The following RGS6 variants were observed in gnomAD, a reference collection of about 807,000 sequenced individuals.
RGS6 encodes regulator of G protein signaling 6.
RGS6 carries 30 observed loss-of-function variants against 78.5 expected under a neutral mutation model. The observed-to-expected ratio is 0.38, with a 90% confidence interval of 0.29 to 0.52. The LOEUF (loss-of-function observed/expected upper bound fraction) is 0.52. Ranked by LOEUF, RGS6 falls within the 20% of genes least tolerant of loss-of-function variation. The pLI is 0.85. For synonymous variants in RGS6, 206 were observed against 206.0 expected (o/e 1.00, Z 0.00); for missense variants, 495 against 609.7 (o/e 0.81, Z 1.98).
At chr14:71,975,825 C>G (rs1456102682) in intron 2 of RGS6, among the ~76,000 whole-genome samples, 1 of 152,170 alleles carries the variant, frequency 6.6e-6, no homozygotes, top group East Asian at 1.9e-4. Flanking sequence ...TTTCTCTCTT[C>G]TTGGGATTGT....
chr14:72,472,763 G>A, intron 8 of RGS6, 109 bp from the exon 9 acceptor site: 1 of 741,036 alleles, frequency 1.3e-6, no homozygotes, highest in Non-Finnish European at 2.3e-6. Flanking sequence ...GGTACCAATG[G>A]CCTTGTGTTC....
chr14:72,604,534 T>C, the RGS6 span, among the ~76,000 whole-genome samples: 3 of 152,290 alleles, frequency 2.0e-5, no homozygotes, highest in South Asian at 6.2e-4. Context: ...AGTTCTAAAG[T>C]TGCTGTCAAG....
intron 2 of RGS6, among the ~76,000 whole-genome samples, chr14:72,312,233 T>G (rs2068810875): frequency 6.6e-6 from 1 of 151,842 alleles, no homozygotes; most frequent in Non-Finnish European, 1.5e-5. Context: ...TTGTTTTTTT[T>G]TTTTTTTTTT....
intron 2 of RGS6, among the ~76,000 whole-genome samples, chr14:71,999,675 C>T (rs559143480): frequency 6.6e-6 from 1 of 152,294 alleles, no homozygotes; most frequent in Non-Finnish European, 1.5e-5. Context: ...ATAGAGTTCT[C>T]ATGAGCTCTG....
chr14:72,365,665 T>C (rs984871264), intron 3 of RGS6, among the ~76,000 whole-genome samples: 9 of 152,246 alleles, frequency 5.9e-5, no homozygotes, highest in East Asian at 1.9e-4. Flanking sequence ...TCTCATCAAA[T>C]GTTTCTCTTC....
intron 2 of RGS6, among the ~76,000 whole-genome samples, chr14:72,190,492 C>T (rs1045871603): frequency 6.6e-6 from 1 of 152,156 alleles, no homozygotes; most frequent in African/African-American, 2.4e-5. Context: ...CAGGAAGAGG[C>T]CCATTGGTGG....
At chr14:72,459,965 C>G (rs2095736828) in intron 6 of RGS6, among the ~76,000 whole-genome samples, 1 of 152,110 alleles carries the variant, frequency 6.6e-6, no homozygotes, top group African/African-American at 2.4e-5. Context: ...CATGGAGAAC[C>G]AGGATCCCAC....
intron 2 of RGS6, among the ~76,000 whole-genome samples, chr14:72,043,327 C>A (rs1218967249): frequency 2.0e-5 from 3 of 152,042 alleles, no homozygotes; most frequent in African/African-American, 7.2e-5. Flanking sequence ...ATATTAATCA[C>A]CTAGATTTTA....
intron 2 of RGS6, among the ~76,000 whole-genome samples, chr14:72,262,701 T>C (rs554877705): frequency 2.3e-4 from 35 of 152,332 alleles, no homozygotes; most frequent in African/African-American, 8.2e-4. Flanking sequence ...TAAGAGACTT[T>C]TAGAACCAAT....
At chr14:72,256,537 A>T (rs1376535805) in intron 2 of RGS6, among the ~76,000 whole-genome samples, 1 of 152,152 alleles carries the variant, frequency 6.6e-6, no homozygotes, top group African/African-American at 2.4e-5. Context: ...TTACTCCTAC[A>T]TTTTAGCAGA....
the RGS6 span, among the ~76,000 whole-genome samples, chr14:71,877,444 A>G: frequency 1.3e-5 from 2 of 152,206 alleles, no homozygotes; most frequent in Non-Finnish European, 2.9e-5. Flanking sequence ...AATCACAGAT[A>G]CCCTTTCTTC....
At chr14:72,037,567 G>A (rs2091894661) in intron 2 of RGS6, among the ~76,000 whole-genome samples, 1 of 152,168 alleles carries the variant, frequency 6.6e-6, no homozygotes, top group Admixed American at 6.5e-5. Flanking sequence ...TCCAGACACA[G>A]TATGAGATTT....
upstream of RGS6, among the ~76,000 whole-genome samples, chr14:71,928,140 G>T (rs2152920307): frequency 6.6e-6 from 1 of 152,300 alleles, no homozygotes; most frequent in Non-Finnish European, 1.5e-5. Flanking sequence ...TTGTAGGTGT[G>T]TGCCACTGCA....
At chr14:72,324,708 G>A (rs928011622) in intron 2 of RGS6, among the ~76,000 whole-genome samples, 2 of 151,980 alleles carry the variant, frequency 1.3e-5, no homozygotes, top group African/African-American at 4.8e-5. Flanking sequence ...TGGCTGCATA[G>A]TATTCCATGG....
At chr14:72,555,294 C>G (rs993484709) in intron 17 of RGS6, among the ~76,000 whole-genome samples, 1 of 152,120 alleles carries the variant, frequency 6.6e-6, no homozygotes, top group African/African-American at 2.4e-5. Flanking sequence ...GCAGCTACCA[C>G]CTGAAATCTA....
chr14:72,365,514 A>T (rs2082294358), intron 3 of RGS6, among the ~76,000 whole-genome samples: 1 of 152,152 alleles, frequency 6.6e-6, no homozygotes, highest in Non-Finnish European at 1.5e-5. Context: ...TACCAGTTGG[A>T]ACAGTGACAC....
At chr14:72,056,398 A>C (rs1362960127) in intron 2 of RGS6, among the ~76,000 whole-genome samples, 1 of 152,184 alleles carries the variant, frequency 6.6e-6, no homozygotes, top group Non-Finnish European at 1.5e-5. Context: ...TCTCCTCATC[A>C]AAAAACAGCC....
downstream of RGS6, among the ~76,000 whole-genome samples, chr14:72,569,652 G>A (rs1459172470): frequency 1.3e-5 from 2 of 150,378 alleles, no homozygotes; most frequent in Admixed American, 6.6e-5. Context: ...TGCTGGCTGG[G>A]CGACAGAGTG....
At chr14:72,138,903 A>C (rs948824277) in intron 2 of RGS6, among the ~76,000 whole-genome samples, 2 of 152,102 alleles carry the variant, frequency 1.3e-5, no homozygotes, top group Non-Finnish European at 2.9e-5. Context: ...CACCGATTTG[A>C]TACTATGGTG....
Sources: allele counts gnomAD v4.1 joint callset (sites outside exome capture counted in the v4.1 genomes callset), GRCh38; gene constraint gnomAD v4.1.1; transcripts MANE v1.5; gene names NCBI Gene and HGNC (gene_info 2026-07-23, HGNC 2026-07-21).